Variants in PPP1R1A observed in about 807,000 individuals in gnomAD.
The protein encoded by PPP1R1A is protein phosphatase 1 regulatory inhibitor subunit 1A, also known as protein phosphatase 1 regulatory subunit 1A.
PPP1R1A carries 18 observed loss-of-function variants against 23.9 expected under a neutral mutation model. The ratio of observed to expected loss-of-function variants is 0.75; its 90% CI spans 0.52 to 1.12. The LOEUF (loss-of-function observed/expected upper bound fraction) is 1.12, where lower values mean the gene tolerates loss of function less well. Ranked by LOEUF, PPP1R1A falls within the 50% of genes most tolerant of loss-of-function variation. PPP1R1A has a pLI of 0.00. For synonymous variants in PPP1R1A, 84 were observed against 80.7 expected (o/e 1.04, Z -0.22); for missense variants, 207 against 223.8 (o/e 0.92, Z 0.48).
At position 54,584,315 on chromosome 12, in the gene PPP1R1A, C is replaced by A; in HGVS notation, c.90G>T (p.Arg30=). The A allele has an allele frequency of 6.2e-7, 1 of 1,600,564 alleles. No individual in the cohort carries two copies. The highest frequency in any genetic ancestry group is 8.5e-7 in the Non-Finnish European group (1 of 1,173,992). ...HLDPEAAEQI[R]RRRPTPATLV... is the part of the protein sequence containing the mutation. ...GGGTGGCAGGGGTGGGGCGGCGCCT[C>A]CGAATCTGAGGGAAGGTGGGAAATG... Residue 30 remains arginine, a synonymous_variant, in exon 2 of 7, where the codon CGG becomes CGT. Transcript: ENST00000257905.
intron 1 of PPP1R1A, among the ~76,000 whole-genome samples, chr12:54,587,422 G>C (rs1019982602): frequency 6.6e-6 from 1 of 152,206 alleles, no homozygotes; most frequent in African/African-American, 2.4e-5. Flanking sequence ...AAGAGATGGA[G>C]CAATAGGCAA....
Position 54,580,431 on chromosome 12 carries a change from G to C in PPP1R1A, c.511-39C>G, listed in dbSNP as rs202113585. 2,774 of 1,582,008 alleles carry C rather than the reference G, an allele frequency of 1.8e-3. 4 individuals carry two copies. Among genetic ancestry groups the C allele is most frequent in the Non-Finnish European group, 2.2e-3 (2,552 of 1,151,646 alleles). On this transcript the variant is annotated intron_variant, in intron 6 of 6. Transcript: ENST00000257905. Reference sequence around the variant, plus strand: ...AAGGGGACAGAAAGAGAAGGTGAGAGGCCAGAGGGTCATTTTGTCCCTTCC... The same window carrying C: ...AAGGGGACAGAAAGAGAAGGTGAGACGCCAGAGGGTCATTTTGTCCCTTCC...
chr12:54,584,279 G>A lies in PPP1R1A; in HGVS notation c.126C>T (p.Thr42=), dbSNP rs1166266256. The change falls in exon 2 of 7, where the codon ACC becomes ACT. Residue 42 remains threonine, a synonymous_variant. Coordinates refer to ENST00000257905, the MANE Select transcript of PPP1R1A (RefSeq NM_006741.4). ...RRPTPATLVL[T]SDQSSPEIDE... is the part of the protein sequence containing the mutation. Reference sequence around the variant, plus strand: ...GCTTACCTGGGGATGACTGGTCACTGGTCAGCACGAGGGTGGCAGGGGTGG... The same window carrying A: ...GCTTACCTGGGGATGACTGGTCACTAGTCAGCACGAGGGTGGCAGGGGTGG... 6.2e-7 allele frequency: 1 copy of A among 1,604,380 alleles called. No individual in the cohort carries two copies. Among genetic ancestry groups the A allele is most frequent in the African/African-American group, 1.3e-5 (1 of 74,890 alleles).
At position 54,581,060 on chromosome 12, in the gene PPP1R1A, G is replaced by T; in HGVS notation, c.404-10C>A. ...ATGCATTCTGCAGTTTCTGGGGAGGGAACATAGGGGTGGGAGGAAGAGGTG... is the reference window on the plus strand; with the variant it reads ...ATGCATTCTGCAGTTTCTGGGGAGGTAACATAGGGGTGGGAGGAAGAGGTG... On this transcript the variant is annotated splice_polypyrimidine_tract_variant and intron_variant, in intron 5 of 6. Transcript: ENST00000257905. The surrounding 1 kb of genome is among the most constrained non-coding windows in gnomAD (Gnocchi z 4.1). The T allele has an allele frequency of 1.9e-6, 3 of 1,562,198 alleles. No individual in the cohort carries two copies. The highest frequency in any genetic ancestry group is 2.6e-6 in the Non-Finnish European group (3 of 1,134,980).
chr12:54,588,435 C>G lies in PPP1R1A; in HGVS notation c.54G>C (p.Glu18Asp). 6.7e-7 allele frequency: 1 copy of G among 1,500,476 alleles called. No individual in the cohort carries two copies. The highest frequency in any genetic ancestry group is 8.9e-7 in the Non-Finnish European group (1 of 1,120,514). 92.9% of individuals were successfully genotyped at this position (1,500,476 alleles called of 1,614,324 possible). ...RKIQFTVPLL[E>D]PHLDPEAAEQ... ...CCGCCGCCTCGGGGTCAAGGTGCGG[C>G]TCCAGCAGCGGGACCGTGAACTGGA... is the stretch of plus-strand genomic sequence containing the variant. The change falls in exon 1 of 7, where the codon GAG (glutamate) becomes GAC (aspartate). Residue 18 changes from glutamate to aspartate, a missense_variant. Coordinates refer to ENST00000257905, the MANE Select transcript of PPP1R1A (RefSeq NM_006741.4).
intron 3 of PPP1R1A, 57 bp downstream of exon 3, chr12:54,583,154 T>A (rs1957874317): frequency 6.7e-7 from 1 of 1,494,984 alleles, no homozygotes. Context: ...TAAGGAATAA[T>A]CCCCTAATGA....
intron 1 of PPP1R1A, among the ~76,000 whole-genome samples, chr12:54,584,653 A>C (rs143657594): frequency 1.8e-4 from 27 of 152,244 alleles, no homozygotes; most frequent in African/African-American, 6.0e-4. Flanking sequence ...TCTCTGGGTC[A>C]ATCATATCCC....
In PPP1R1A at chr12:54,579,700, T is replaced by C. The variant is rs1957834227; in HGVS notation, c.*687A>G. 1 of 985,364 alleles carries C rather than the reference T, an allele frequency of 1.0e-6. No individual in the cohort carries two copies. Among genetic ancestry groups the C allele is most frequent in the Non-Finnish European group, 1.2e-6 (1 of 829,990 alleles). 61.0% of individuals were successfully genotyped at this position (985,364 alleles called of 1,614,324 possible). A position where few individuals can be genotyped will look rare whatever the true frequency, so the allele number is the denominator to read the frequency against. ...CTTCATTAATAGCCACTGTGTTCTCTATCCATTGTTGCTAACGGGTTGAAA... is the reference window on the plus strand; with the variant it reads ...CTTCATTAATAGCCACTGTGTTCTCCATCCATTGTTGCTAACGGGTTGAAA... On this transcript the variant is annotated 3_prime_UTR_variant, in exon 7 of 7. Transcript: ENST00000257905.
chr12:54,584,308 G>T lies in PPP1R1A; in HGVS notation c.97C>A (p.Arg33Ser). 1 of 1,602,464 alleles carries T rather than the reference G, an allele frequency of 6.2e-7. No individual in the cohort carries two copies. The highest frequency in any genetic ancestry group is 1.1e-5 in the South Asian group (1 of 88,244). ...PEAAEQIRRRRPTPATLVLTS... is the reference protein window; with the variant it reads ...PEAAEQIRRRSPTPATLVLTS... ...AGCACGAGGGTGGCAGGGGTGGGGC[G>T]GCGCCTCCGAATCTGAGGGAAGGTG... The change falls in exon 2 of 7, where the codon CGC becomes AGC. Residue 33 changes from arginine (R) to serine (S), a missense_variant. Transcript: ENST00000257905.
At position 54,581,872 on chromosome 12, in the gene PPP1R1A, C is replaced by T. The variant is rs1957858350; in HGVS notation, c.403+104G>A. The T allele has an allele frequency of 3.7e-6, 5 of 1,359,500 alleles. No individual in the cohort carries two copies. In the Admixed American group the frequency reaches 9.5e-5, roughly 26 times the overall value. 84.2% of individuals were successfully genotyped at this position (1,359,500 alleles called of 1,614,324 possible). A position where few individuals can be genotyped will look rare whatever the true frequency, so the allele number is the denominator to read the frequency against. On this transcript the variant is annotated intron_variant, in intron 5 of 6. Transcript: ENST00000257905. The surrounding 1 kb of genome is among the most constrained non-coding windows in gnomAD (Gnocchi z 4.1). ...GAGACAGTTTTTGCCTACTACTAGG[C>T]CTCTCCCAGGCTCCAACTCTTTCCC...
intron 1 of PPP1R1A, among the ~76,000 whole-genome samples, chr12:54,587,995 G>T (rs989356298): frequency 4.0e-5 from 6 of 151,744 alleles, no homozygotes; most frequent in Non-Finnish European, 8.8e-5. Flanking sequence ...CCCTCCCCAG[G>T]CCCCTCCCGC....
At position 54,581,849 on chromosome 12, in the gene PPP1R1A, G is replaced by T; in HGVS notation, c.403+127C>A. 1.0e-6 allele frequency: 1 copy of T among 991,264 alleles called. No homozygotes were observed. The highest frequency in any genetic ancestry group is 1.5e-6 in the Non-Finnish European group (1 of 689,392). The allele number at this position is 991,264 out of a possible 1,614,324, so 61.4% of individuals were successfully genotyped here. On this transcript the variant is annotated intron_variant, in intron 5 of 6. Coordinates refer to ENST00000257905, the MANE Select transcript of PPP1R1A (RefSeq NM_006741.4). This position sits in a 1 kb window ranked among gnomAD's most constrained non-coding sequence, Gnocchi z 4.1. ...CATGCCAACAGATCCATATCCTTGA[G>T]ACAGTTTTTGCCTACTACTAGGCCT...
At chr12:54,586,657 T>C (rs950768190) in intron 1 of PPP1R1A, among the ~76,000 whole-genome samples, 1 of 152,148 alleles carries the variant, frequency 6.6e-6, no homozygotes, top group African/African-American at 2.4e-5. Context: ...GAGACACAAA[T>C]TCTGAAGATT....
chr12:54,586,835 C>T (rs1222425645), intron 1 of PPP1R1A, among the ~76,000 whole-genome samples: 4 of 152,132 alleles, frequency 2.6e-5, no homozygotes, highest in South Asian at 2.1e-4. Context: ...ATACAGGTGT[C>T]GGGCCCTGTC....
In PPP1R1A at chr12:54,580,390, G is replaced by A; in HGVS notation, c.513C>T (p.Val171=). 2 of 1,613,112 alleles carry A rather than the reference G, an allele frequency of 1.2e-6. No individual in the cohort carries two copies. The highest frequency in any genetic ancestry group is 1.7e-6 in the Non-Finnish European group (2 of 1,179,210). Residue 171 remains valine, a splice_region_variant and synonymous_variant, in exon 7 of 7, where the codon GTC becomes GTT. Coordinates refer to ENST00000257905, the MANE Select transcript of PPP1R1A (RefSeq NM_006741.4). ...PPLDSKGANS[V] ...TCCCAAGATACCTCCTCCTCTCTCA[G>A]ACCTGTTATGGGGGAAAGGGGACAG... is the stretch of plus-strand genomic sequence containing the variant.
chr12:54,581,866 A>C lies in PPP1R1A; in HGVS notation c.403+110T>G. 7.7e-7 allele frequency: 1 copy of C among 1,303,758 alleles called. No individual in the cohort carries two copies. The highest frequency in any genetic ancestry group is 1.0e-6 in the Non-Finnish European group (1 of 953,288). The allele number at this position is 1,303,758 out of a possible 1,614,324, so 80.8% of individuals were successfully genotyped here. Reference sequence around the variant, plus strand: ...ATCCTTGAGACAGTTTTTGCCTACTACTAGGCCTCTCCCAGGCTCCAACTC... The same window carrying C: ...ATCCTTGAGACAGTTTTTGCCTACTCCTAGGCCTCTCCCAGGCTCCAACTC... On this transcript the variant is annotated intron_variant, in intron 5 of 6. Transcript: ENST00000257905. The surrounding 1 kb of genome is among the most constrained non-coding windows in gnomAD (Gnocchi z 4.1).
chr12:54,583,140 G>A, intron 3 of PPP1R1A, 71 bp downstream of exon 3: 1 of 1,465,200 alleles, frequency 6.8e-7, no homozygotes, highest in Non-Finnish European at 9.2e-7. Context: ...GGGCGGCAGG[G>A]TTTTAAGGAA....
chr12:54,580,372 A>T lies in PPP1R1A; in HGVS notation c.*15T>A, dbSNP rs377521129. On this transcript the variant is annotated 3_prime_UTR_variant, in exon 7 of 7. Transcript: ENST00000257905. ...CCCAAACTGCAGTCTTGATCCCAAG[A>T]TACCTCCTCCTCTCTCAGACCTGTT... The T allele has an allele frequency of 1.9e-6, 3 of 1,613,630 alleles. No individual in the cohort carries two copies. In the African/African-American group the frequency reaches 4.0e-5, roughly 21 times the overall value.
At chr12:54,583,292 CA>C in intron 2 of PPP1R1A, 44 bp from the exon 3 acceptor site, 4 of 1,447,018 alleles carry the variant, frequency 2.8e-6, no homozygotes, top group Non-Finnish European at 3.7e-6. Flanking sequence ...GACAGGAAAC[CA>C]GGGATCCCCA....
Sources: allele counts gnomAD v4.1 joint callset (sites outside exome capture counted in the v4.1 genomes callset), GRCh38; gene constraint gnomAD v4.1.1; non-coding constraint Gnocchi (gnomAD v3.1); transcripts MANE v1.5; gene names NCBI Gene and HGNC (gene_info 2026-07-23, HGNC 2026-07-21).